BACH1: variants seen among roughly 807,000 people sequenced by gnomAD.
The protein encoded by BACH1 is BTB domain and CNC homolog 1.
BACH1 carries 35 observed loss-of-function variants against 52.9 expected under a neutral mutation model. The observed-to-expected ratio is 0.66, with a 90% CI of 0.51 to 0.88. The LOEUF (loss-of-function observed/expected upper bound fraction) is 0.88, where lower values mean the gene tolerates loss of function less well. BACH1 is among the 40% of genes least tolerant of loss of function. The pLI, the probability that BACH1 is intolerant of heterozygous loss-of-function variation, is 0.00. For missense variants in BACH1, 808 were observed against 872.6 expected (o/e 0.93, Z 0.93); for synonymous variants, 321 against 319.6 (o/e 1.00, Z -0.05).
At chr21:29,323,165 C>T (rs1202820662) in intron 2 of BACH1, among the ~76,000 whole-genome samples, 1 of 151,958 alleles carries the variant, frequency 6.6e-6, no homozygotes, top group African/African-American at 2.4e-5. Context: ...AAATTTTTAT[C>T]GAGTGTATTA....
chr21:29,350,193 G>A (rs1185581353), downstream of BACH1, among the ~76,000 whole-genome samples: 3 of 152,066 alleles, frequency 2.0e-5, no homozygotes, highest in African/African-American at 7.3e-5. Context: ...AAAATGTCAC[G>A]GCCTCTACTG....
intron 2 of BACH1, among the ~76,000 whole-genome samples, chr21:29,323,435 G>A (rs775483352): frequency 6.6e-6 from 1 of 152,174 alleles, no homozygotes; most frequent in Non-Finnish European, 1.5e-5. Context: ...GAGTCCAAAG[G>A]CCAAAGAACC....
At chr21:29,356,528 T>C (rs565326476) in intron 2 of BACH1, among the ~76,000 whole-genome samples, 1 of 152,380 alleles carries the variant, frequency 6.6e-6, no homozygotes, top group East Asian at 1.9e-4. Flanking sequence ...TGTGTCTTTT[T>C]TCCTTAGTAG....
At chr21:29,361,816 CA>C (rs1484048965) in intron 2 of BACH1, 1 of 152,210 alleles carries the variant, frequency 6.6e-6, no homozygotes, top group Non-Finnish European at 1.5e-5. Flanking sequence ...AAAGCATATG[CA>C]AAATCTCACT....
At chr21:29,321,160 T>A (rs1037701851) in intron 1 of BACH1, 61 bp from the exon 2 acceptor site, 1 of 880,090 alleles carries the variant, frequency 1.1e-6, no homozygotes, top group Non-Finnish European at 1.8e-6. Context: ...TAGCCTGTAT[T>A]TGACACTGTC....
At chr21:29,337,822 G>A in intron 4 of BACH1, among the ~76,000 whole-genome samples, 1 of 152,004 alleles carries the variant, frequency 6.6e-6, no homozygotes. Context: ...CCAGCTACTC[G>A]GGAGGCTGAG....
intron 4 of BACH1, among the ~76,000 whole-genome samples, chr21:29,330,096 A>G (rs2088963002): frequency 1.3e-5 from 2 of 152,222 alleles, no homozygotes; most frequent in South Asian, 4.1e-4. Flanking sequence ...TCTGATAGAT[A>G]TGGTGATATG....
Position 29,329,517 on chromosome 21 carries a change from A to G in BACH1, c.1600A>G (p.Ile534Val). Residue 534 changes from isoleucine (I) to valine (V), a missense_variant, in exon 4 of 5, where the codon ATT becomes GTT. Coordinates refer to ENST00000286800, the MANE Select transcript of BACH1 (RefSeq NM_001186.4). ...ACTGCCATTCAATGCACAACGGATA[A>G]TTTCACTGTCTCGAAATGATTTTCA... The part of the protein sequence containing the change: ...VKLPFNAQRI[I>V]SLSRNDFQSL... 1 of 1,594,836 alleles carries G rather than the reference A, an allele frequency of 6.3e-7. No individual in the cohort carries two copies. Among genetic ancestry groups the G allele is most frequent in the South Asian group, 1.2e-5 (1 of 86,948 alleles).
chr21:29,309,059 A>T (rs1396129443), intron 1 of BACH1, among the ~76,000 whole-genome samples: 2 of 152,262 alleles, frequency 1.3e-5, no homozygotes, highest in Admixed American at 6.5e-5. Flanking sequence ...GGAGTTCGAG[A>T]CCAGCCTGGC....
At chr21:29,319,866 A>G (rs1346256274) in intron 1 of BACH1, among the ~76,000 whole-genome samples, 1 of 151,804 alleles carries the variant, frequency 6.6e-6, no homozygotes, top group Non-Finnish European at 1.5e-5. Context: ...CAAAAGATAT[A>G]TAACTTCTTT....
At chr21:29,360,570 C>A (rs534825952) in intron 2 of BACH1, among the ~76,000 whole-genome samples, 1 of 152,212 alleles carries the variant, frequency 6.6e-6, no homozygotes, top group South Asian at 2.1e-4. Flanking sequence ...TCTGGCCAGG[C>A]GCAGTGGCTC....
At chr21:29,315,796 A>G (rs896849905) in intron 1 of BACH1, among the ~76,000 whole-genome samples, 5 of 152,174 alleles carry the variant, frequency 3.3e-5, no homozygotes, top group African/African-American at 1.2e-4. Flanking sequence ...GATTATAATG[A>G]TCATTATTAT....
rs553265228 is a variant in BACH1 at position 29,327,048 on chromosome 21, G to C, written c.1224G>C (p.Thr408=). The change falls in exon 3 of 5, where the codon ACG becomes ACC. Residue 408 remains threonine (T), a synonymous_variant. Transcript: ENST00000286800. ...GCTTCTGGAGTGACATTTGCAGCAC[G>C]GACACTCCTTGCCAAATGCAGTTAT... ...AKGFWSDICS[T]DTPCQMQLSP... is the part of the protein sequence containing the mutation. 2.5e-6 allele frequency: 4 copies of C among 1,614,120 alleles called. No homozygotes were observed. Among genetic ancestry groups the C allele is most frequent in the Non-Finnish European group, 3.4e-6 (4 of 1,180,014 alleles).
intron 2 of BACH1, among the ~76,000 whole-genome samples, chr21:29,325,419 C>T (rs1266517643): frequency 6.6e-6 from 1 of 152,098 alleles, no homozygotes; most frequent in Non-Finnish European, 1.5e-5. Flanking sequence ...AGTTTTGTTA[C>T]TTCGAGTCCA....
intron 2 of BACH1, among the ~76,000 whole-genome samples, chr21:29,356,541 G>T (rs1246366913): frequency 2.0e-5 from 3 of 152,198 alleles, no homozygotes; most frequent in Non-Finnish European, 4.4e-5. Flanking sequence ...CTTAGTAGTT[G>T]AGGAGGAACC....
intron 2 of BACH1, among the ~76,000 whole-genome samples, chr21:29,355,704 T>G (rs749861531): frequency 2.0e-5 from 3 of 152,126 alleles, no homozygotes; most frequent in Non-Finnish European, 4.4e-5. Context: ...TGGCCTCGAT[T>G]CTAGAGGAAA....
At chr21:29,353,386 G>A (rs938733131) in intron 2 of BACH1, among the ~76,000 whole-genome samples, 16 of 138,632 alleles carry the variant, frequency 1.2e-4, no homozygotes, top group African/African-American at 3.0e-4. Context: ...AGCTTTCATC[G>A]TCTTGTATAG....
chr21:29,347,514 G>A (rs1460809008), downstream of BACH1, among the ~76,000 whole-genome samples: 1 of 152,210 alleles, frequency 6.6e-6, no homozygotes, highest in Non-Finnish European at 1.5e-5. Flanking sequence ...AAGTCTTAGG[G>A]AAGAGTGTTC....
At chr21:29,310,961 C>G (rs541768219) in intron 1 of BACH1, among the ~76,000 whole-genome samples, 1 of 152,076 alleles carries the variant, frequency 6.6e-6, no homozygotes, top group Non-Finnish European at 1.5e-5. Flanking sequence ...AAGAGAGGAT[C>G]CATTATTCAT....
Sources: allele counts gnomAD v4.1 joint callset (sites outside exome capture counted in the v4.1 genomes callset), GRCh38; gene constraint gnomAD v4.1.1; transcripts MANE v1.5; gene names NCBI Gene and HGNC (gene_info 2026-07-23, HGNC 2026-07-21).